Variants in ATOSA observed in about 807,000 individuals in gnomAD.
ATOSA encodes atos homolog A.
the ATOSA span, among the ~76,000 whole-genome samples, chr15:52,698,252 T>A: frequency 2.6e-5 from 4 of 152,036 alleles, no homozygotes; most frequent in Non-Finnish European, 5.9e-5. Context: ...GTGCTGGGAT[T>A]ACAGGCATGA....
chr15:52,609,585 C>T, the ATOSA span: 1 of 1,613,144 alleles, frequency 6.2e-7, no homozygotes, highest in Non-Finnish European at 8.5e-7. Flanking sequence ...GTCGAATTTT[C>T]CCCTCATTGG....
the ATOSA span, among the ~76,000 whole-genome samples, chr15:52,685,255 G>A: frequency 6.6e-6 from 1 of 151,844 alleles, no homozygotes; most frequent in Non-Finnish European, 1.5e-5. Flanking sequence ...TTCTTTTTTT[G>A]TTTTAAAATG....
At chr15:52,687,317 AT>A in the ATOSA span, among the ~76,000 whole-genome samples, 1 of 152,258 alleles carries the variant, frequency 6.6e-6, no homozygotes, top group Non-Finnish European at 1.5e-5. Flanking sequence ...AGGCAGGAAA[AT>A]GGCGTGAGCC....
At chr15:52,686,656 A>G in the ATOSA span, among the ~76,000 whole-genome samples, 1 of 152,214 alleles carries the variant, frequency 6.6e-6, no homozygotes, top group Non-Finnish European at 1.5e-5. Context: ...TCAATTAGGC[A>G]TAGAGAATTC....
At chr15:52,622,896 G>A in the ATOSA span, among the ~76,000 whole-genome samples, 1 of 151,992 alleles carries the variant, frequency 6.6e-6, no homozygotes, top group Non-Finnish European at 1.5e-5. Flanking sequence ...ACCAAGATGG[G>A]TGGATTGCTT....
chr15:52,674,062 C>T, the ATOSA span, among the ~76,000 whole-genome samples: 1 of 152,194 alleles, frequency 6.6e-6, no homozygotes, highest in Admixed American at 6.5e-5. Flanking sequence ...TGAATTAAAA[C>T]AGTAGATTTA....
At chr15:52,607,579 C>T in the ATOSA span, among the ~76,000 whole-genome samples, 1 of 152,114 alleles carries the variant, frequency 6.6e-6, no homozygotes, top group Non-Finnish European at 1.5e-5. Flanking sequence ...ACTGGTATGT[C>T]ATTCTCTTTG....
the ATOSA span, among the ~76,000 whole-genome samples, chr15:52,634,151 G>C: frequency 6.6e-6 from 1 of 152,138 alleles, no homozygotes. Flanking sequence ...ATGAAAAAGG[G>C]GCCAGGCATG....
the ATOSA span, among the ~76,000 whole-genome samples, chr15:52,643,205 A>C: frequency 6.6e-6 from 1 of 152,142 alleles, no homozygotes; most frequent in Non-Finnish European, 1.5e-5. Flanking sequence ...AGAATATTCC[A>C]ATTCTCTTAA....
chr15:52,649,104 A>C, the ATOSA span, among the ~76,000 whole-genome samples: 1 of 152,178 alleles, frequency 6.6e-6, no homozygotes, highest in Non-Finnish European at 1.5e-5. Context: ...ATTAAGAAAA[A>C]AATTTACTAT....
the ATOSA span, among the ~76,000 whole-genome samples, chr15:52,687,100 A>G: frequency 6.6e-6 from 1 of 152,220 alleles, no homozygotes; most frequent in East Asian, 1.9e-4. Flanking sequence ...TAGAAGGGAG[A>G]CAGTCATGTT....
At chr15:52,664,468 A>G in the ATOSA span, among the ~76,000 whole-genome samples, 16 of 152,326 alleles carry the variant, frequency 1.1e-4, no homozygotes, top group East Asian at 2.5e-3. Context: ...CCTTGAGAAA[A>G]GAATTGCTAT....
the ATOSA span, chr15:52,609,568 G>T: frequency 1.2e-6 from 2 of 1,613,384 alleles, no homozygotes; most frequent in East Asian, 4.5e-5. Flanking sequence ...AGGAGTTTCT[G>T]GTTTTAGTCG....
At chr15:52,685,161 A>G in the ATOSA span, among the ~76,000 whole-genome samples, 5 of 152,248 alleles carry the variant, frequency 3.3e-5, no homozygotes, top group Non-Finnish European at 5.9e-5. Context: ...AGACATTTGA[A>G]AATCAGTCAT....
chr15:52,607,943 C>T, the ATOSA span, among the ~76,000 whole-genome samples: 2 of 152,262 alleles, frequency 1.3e-5, no homozygotes, highest in East Asian at 3.9e-4. Context: ...TGCAGTGGCA[C>T]AATCATAGTT....
At chr15:52,625,085 A>G in the ATOSA span, among the ~76,000 whole-genome samples, 1 of 151,938 alleles carries the variant, frequency 6.6e-6, no homozygotes, top group Non-Finnish European at 1.5e-5. Flanking sequence ...GGCCATGTGT[A>G]CCTGTTTTAA....
the ATOSA span, among the ~76,000 whole-genome samples, chr15:52,700,263 T>C: frequency 3.3e-5 from 5 of 152,208 alleles, no homozygotes; most frequent in African/African-American, 1.2e-4. Context: ...GCATGAATAA[T>C]ATGTATTATT....
the ATOSA span, chr15:52,608,501 C>T: frequency 6.7e-7 from 1 of 1,482,806 alleles, no homozygotes; most frequent in Non-Finnish European, 9.0e-7. Context: ...ACCAGATCTC[C>T]TGTGAACAAA....
At chr15:52,653,223 G>C in the ATOSA span, among the ~76,000 whole-genome samples, 1 of 152,068 alleles carries the variant, frequency 6.6e-6, no homozygotes, top group African/African-American at 2.4e-5. Flanking sequence ...GAGTCTGATG[G>C]AAGTGTTGGA....
Sources: allele counts gnomAD v4.1 joint callset (sites outside exome capture counted in the v4.1 genomes callset), GRCh38; gene constraint gnomAD v4.1.1; transcripts MANE v1.5; gene names NCBI Gene and HGNC (gene_info 2026-07-23, HGNC 2026-07-21).